GABRG3: variants seen among roughly 807,000 people sequenced by gnomAD.
The protein encoded by GABRG3 is gamma-aminobutyric acid receptor subunit gamma-3.
GABRG3 carries 25 observed loss-of-function variants against 48.8 expected under a neutral mutation model. The ratio of observed to expected loss-of-function variants is 0.51; its 90% CI spans 0.37 to 0.72. The LOEUF (loss-of-function observed/expected upper bound fraction) is 0.72, where lower values mean the gene tolerates loss of function less well. Among genes scored for constraint, GABRG3 ranks in the 30% least tolerant of loss-of-function variants. The pLI, the probability that GABRG3 is intolerant of heterozygous loss-of-function variation, is 0.00. For synonymous variants in GABRG3, 227 were observed against 217.6 expected (o/e 1.04, Z -0.38); for missense variants, 394 against 577.9 (o/e 0.68, Z 3.26).
chr15:27,356,562 T>C (rs866005399), intron 5 of GABRG3, among the ~76,000 whole-genome samples: 13 of 152,308 alleles, frequency 8.5e-5, no homozygotes, highest in African/African-American at 2.6e-4. Flanking sequence ...CTTGCCACTA[T>C]ACACAAGAGA....
intron 5 of GABRG3, among the ~76,000 whole-genome samples, chr15:27,467,259 A>C (rs990777874): frequency 1.3e-5 from 2 of 152,046 alleles, no homozygotes; most frequent in Admixed American, 6.6e-5. Flanking sequence ...CCATCCGGTC[A>C]CTCTCATGGC....
At position 27,002,543 on chromosome 15, in the gene GABRG3, T is replaced by C. The variant is rs113061314; in HGVS notation, c.203-24211T>C. Among the ~76,000 whole-genome samples the C allele has an allele frequency of 5.7e-3, 872 of 152,232 alleles. 10 individuals are homozygous for C. The highest frequency in any genetic ancestry group is 0.02 in the African/African-American group (828 of 41,548). On this transcript the variant is annotated intron_variant, in intron 2 of 9. Transcript: ENST00000615808. ...GCATTTCATTTTTTTCTTTAGATAT[T>C]ATTTTTATTTTTAAGCTAAGAAATT... is the stretch of plus-strand genomic sequence containing the variant.
At chr15:27,241,858 T>C (rs921121709) in intron 3 of GABRG3, among the ~76,000 whole-genome samples, 3 of 152,262 alleles carry the variant, frequency 2.0e-5, no homozygotes, top group African/African-American at 7.2e-5. Flanking sequence ...AGGTTCACTT[T>C]TGACAAGAGT....
intron 5 of GABRG3, among the ~76,000 whole-genome samples, chr15:27,431,655 G>A (rs1888457461): frequency 6.6e-6 from 1 of 152,132 alleles, no homozygotes; most frequent in Non-Finnish European, 1.5e-5. Context: ...GTGAGGTTTT[G>A]TAGACACCCT....
intron 3 of GABRG3, among the ~76,000 whole-genome samples, chr15:27,086,203 G>C (rs944639584): frequency 2.0e-5 from 3 of 151,490 alleles, no homozygotes; most frequent in Non-Finnish European, 1.5e-5. Flanking sequence ...CGACATGCCA[G>C]GCAACAATTC....
At chr15:27,222,182 A>G (rs1033132157) in intron 3 of GABRG3, among the ~76,000 whole-genome samples, 1 of 152,028 alleles carries the variant, frequency 6.6e-6, no homozygotes, top group African/African-American at 2.4e-5. Context: ...GGGTGGAATC[A>G]CCCCTCTCCT....
chr15:27,540,139 T>G lies in GABRG3; in HGVS notation c.*7258T>G, dbSNP rs1395510113. The stretch of plus-strand genomic sequence containing the variant: ...AGTATACAGATCCTACTCCAAAATT[T>G]TGCTCGCCTAAAACATTTCCAGAAC... On this transcript the variant is annotated 3_prime_UTR_variant, in exon 10 of 10. Coordinates refer to ENST00000615808, the MANE Select transcript of GABRG3 (RefSeq NM_033223.5). 4 of 152,198 alleles carry G rather than the reference T, an allele frequency of 2.6e-5. No homozygotes were observed. The highest frequency in any genetic ancestry group is 5.9e-5 in the Non-Finnish European group (4 of 68,034). The allele number at this position is 152,198 out of a possible 1,614,324, so 9.4% of individuals were successfully genotyped here. A position where few individuals can be genotyped will look rare whatever the true frequency, so the allele number is the denominator to read the frequency against.
chr15:27,042,226 G>T (rs1896288826), intron 3 of GABRG3, among the ~76,000 whole-genome samples: 1 of 152,180 alleles, frequency 6.6e-6, no homozygotes, highest in Admixed American at 6.5e-5. Flanking sequence ...CGGTTGAGAA[G>T]CTCCCGAATC....
At chr15:27,148,503 G>A (rs1898251325) in intron 3 of GABRG3, among the ~76,000 whole-genome samples, 1 of 151,812 alleles carries the variant, frequency 6.6e-6, no homozygotes, top group South Asian at 2.1e-4. Context: ...ATTCTATGAG[G>A]CCAATATTAT....
chr15:27,325,209 T>TA (rs1415914470), intron 3 of GABRG3, among the ~76,000 whole-genome samples: 1 of 152,090 alleles, frequency 6.6e-6, no homozygotes, highest in African/African-American at 2.4e-5. Context: ...CACACACACT[T>TA]ACACACACAC....
intron 6 of GABRG3, among the ~76,000 whole-genome samples, chr15:27,499,554 G>A (rs760940496): frequency 6.6e-6 from 1 of 152,236 alleles, no homozygotes; most frequent in East Asian, 1.9e-4. Flanking sequence ...TTATGTCGGA[G>A]TAAGAGGCAG....
chr15:27,371,726 T>C (rs1895422354), intron 5 of GABRG3, among the ~76,000 whole-genome samples: 1 of 152,204 alleles, frequency 6.6e-6, no homozygotes, highest in Non-Finnish European at 1.5e-5. Flanking sequence ...GTGATCTAGT[T>C]CCCTAAATCT....
In GABRG3 at chr15:27,475,084, C is replaced by T. The variant is rs752862569; in HGVS notation, c.575-5566C>T. On this transcript the variant is annotated intron_variant, in intron 5 of 9. Transcript: ENST00000615808. ...GGTGGAGGTTGCAGTGAGCTGAGAT[C>T]GCGCCAGTGCACTCCAACCTGGGCA... is the stretch of plus-strand genomic sequence containing the variant. 3.9e-5 allele frequency among the ~76,000 whole-genome samples: 6 copies of T among 151,966 alleles called. No individual in the cohort carries two copies. The South Asian group carries it at 6.2e-4, about 16-fold the overall frequency.
chr15:27,308,079 TAC>T (rs1218077211), intron 3 of GABRG3, among the ~76,000 whole-genome samples: 177 of 134,058 alleles, frequency 1.3e-3, no homozygotes, highest in African/African-American at 4.5e-3. Context: ...TATATGTTTA[TAC>T]ATCCAAACAT....
intron 3 of GABRG3, among the ~76,000 whole-genome samples, chr15:27,286,667 T>C (rs1891623837): frequency 6.6e-6 from 1 of 152,212 alleles, no homozygotes; most frequent in Non-Finnish European, 1.5e-5. Context: ...AATAATTCAG[T>C]CTAGAGAGCT....
chr15:27,307,287 T>TTATATATGTTTATATATAACCATAGGTG, intron 3 of GABRG3, among the ~76,000 whole-genome samples: 1 of 142,346 alleles, frequency 7.0e-6, no homozygotes, highest in Non-Finnish European at 1.5e-5. Context: ...AACCATAGGT[T>TTATATATGTTTATATATAACCATAGGTG]TATATATGTT....
intron 3 of GABRG3, among the ~76,000 whole-genome samples, chr15:27,287,890 C>A (rs1336728123): frequency 6.6e-6 from 1 of 151,926 alleles, no homozygotes; most frequent in Non-Finnish European, 1.5e-5. Flanking sequence ...AGGCACCCAC[C>A]ACCACACCTG....
intron 2 of GABRG3, among the ~76,000 whole-genome samples, chr15:26,985,120 A>T (rs1895127785): frequency 6.6e-6 from 1 of 152,212 alleles, no homozygotes; most frequent in Admixed American, 6.5e-5. Flanking sequence ...CATGGTGAGG[A>T]GGTGAGGTGT....
rs1891595115 is a variant in GABRG3, at chr15:27,538,316, A to G, written c.*5435A>G. 6.6e-6 allele frequency: 1 copy of G among 152,176 alleles called. No homozygotes were observed. Among genetic ancestry groups the G allele is most frequent in the Non-Finnish European group, 1.5e-5 (1 of 68,048 alleles). 9.4% of individuals were successfully genotyped at this position (152,176 alleles called of 1,614,324 possible). A position where few individuals can be genotyped will look rare whatever the true frequency, so the allele number is the denominator to read the frequency against. On this transcript the variant is annotated 3_prime_UTR_variant, in exon 10 of 10. Coordinates refer to ENST00000615808, the MANE Select transcript of GABRG3 (RefSeq NM_033223.5). ...AACAATCAGTCACTGACAAGTTTTC[A>G]ATGTTTTGAGTTAACCAAGTGGGCT...
Sources: gnomAD v4.1 joint callset for allele counts (sites outside exome capture counted in the v4.1 genomes callset) on GRCh38, gnomAD v4.1.1 for gene constraint, MANE v1.5 for transcripts, NCBI Gene and HGNC (gene_info 2026-07-23, HGNC 2026-07-21) for gene names.